The following CTNND2 variants were observed in gnomAD, a reference collection of about 807,000 sequenced individuals.
The protein encoded by CTNND2 is catenin delta-2.
CTNND2 carries 22 observed loss-of-function variants against 144.4 expected under a neutral mutation model. The ratio of observed to expected loss-of-function variants is 0.15; its 90% CI spans 0.11 to 0.22. The LOEUF (loss-of-function observed/expected upper bound fraction) is 0.22. Among genes scored for constraint, CTNND2 ranks in the 10% least tolerant of loss-of-function variants. The pLI is 1.00. For missense variants in CTNND2, 1,353 were observed against 1,618.8 expected (o/e 0.84, Z 2.82); for synonymous variants, 751 against 695.6 (o/e 1.08, Z -1.25).
At chr5:11,177,749 T>C (rs1445313922) in intron 11 of CTNND2, among the ~76,000 whole-genome samples, 1 of 152,156 alleles carries the variant, frequency 6.6e-6, no homozygotes, top group African/African-American at 2.4e-5. Context: ...AATAATATAT[T>C]GCAAAAACAA....
At chr5:11,537,070 C>G (rs1774275824) in intron 3 of CTNND2, among the ~76,000 whole-genome samples, 1 of 151,702 alleles carries the variant, frequency 6.6e-6, no homozygotes, top group African/African-American at 2.4e-5. Flanking sequence ...AAGGAGGCAG[C>G]AATTAGTCTC....
In CTNND2 at chr5:11,249,314, C is replaced by T. The variant is rs440524; in HGVS notation, c.1629-12491G>A. Among the ~76,000 whole-genome samples, 14 of 152,202 alleles carry T rather than the reference C, an allele frequency of 9.2e-5. No individual in the cohort carries two copies. The South Asian group carries it at 1.9e-3, about 20-fold the overall frequency. On this transcript the variant is annotated intron_variant, in intron 9 of 21. Transcript: ENST00000304623. ...TTTGAACCAAGTTGGGCTTATTGCT[C>T]GTAATAAGAAAGGACTCACACCATG...
intron 1 of CTNND2, among the ~76,000 whole-genome samples, chr5:11,802,143 A>C (rs1171434704): frequency 6.6e-6 from 1 of 152,056 alleles, no homozygotes; most frequent in Non-Finnish European, 1.5e-5. Flanking sequence ...TGTGGTGGCC[A>C]TGCCTGTAAT....
intron 3 of CTNND2, among the ~76,000 whole-genome samples, chr5:11,462,657 T>C (rs1006636064): frequency 6.6e-6 from 1 of 151,750 alleles, no homozygotes; most frequent in Non-Finnish European, 1.5e-5. Context: ...AAAGTAAATT[T>C]AAAAATATAA....
rs540243364 is a variant in CTNND2 at position 11,396,903 on chromosome 5, C to T, written c.612+128G>A. The T allele has an allele frequency of 2.6e-5, 21 of 808,646 alleles. No homozygotes were observed. The Admixed American group carries it at 4.2e-4, about 16-fold the overall frequency. The allele number at this position is 808,646 out of a possible 1,614,324, so 50.1% of individuals were successfully genotyped here. A position where few individuals can be genotyped will look rare whatever the true frequency, so the allele number is the denominator to read the frequency against. The stretch of plus-strand genomic sequence containing the variant: ...CATTCACAGCACCAAAGGGCATTTT[C>T]CCTCAAGTTGAGGGACACACCTACA... On this transcript the variant is annotated intron_variant, in intron 6 of 21. Coordinates refer to ENST00000304623, the MANE Select transcript of CTNND2 (RefSeq NM_001332.4).
At chr5:11,695,591 G>C (rs1162146951) in intron 2 of CTNND2, among the ~76,000 whole-genome samples, 1 of 152,116 alleles carries the variant, frequency 6.6e-6, no homozygotes, top group East Asian at 1.9e-4. Context: ...AGAAAAAATG[G>C]AATATTTTTA....
At chr5:11,222,575 G>C (rs1486631270) in intron 10 of CTNND2, among the ~76,000 whole-genome samples, 2 of 152,200 alleles carry the variant, frequency 1.3e-5, no homozygotes, top group Non-Finnish European at 2.9e-5. Flanking sequence ...GGAGGCAAAG[G>C]CTGGAGGATC....
chr5:11,466,190 C>T (rs1256316455), intron 3 of CTNND2, among the ~76,000 whole-genome samples: 1 of 152,052 alleles, frequency 6.6e-6, no homozygotes, highest in African/African-American at 2.4e-5. Flanking sequence ...TTTGTAGAGA[C>T]GGGGGCTTGC....
intron 2 of CTNND2, among the ~76,000 whole-genome samples, chr5:11,594,483 A>G (rs561677127): frequency 1.3e-4 from 20 of 152,358 alleles, no homozygotes; most frequent in African/African-American, 4.1e-4. Flanking sequence ...CTTGATTTTA[A>G]AAAATCAATT....
chr5:11,521,727 A>C (rs748460328), intron 3 of CTNND2, among the ~76,000 whole-genome samples: 2 of 152,220 alleles, frequency 1.3e-5, no homozygotes, highest in African/African-American at 2.4e-5. Flanking sequence ...GGCAAAGACC[A>C]TGTTGCATCC....
At chr5:11,359,211 GC>G (rs1208619046) in intron 8 of CTNND2, among the ~76,000 whole-genome samples, 1 of 152,154 alleles carries the variant, frequency 6.6e-6, no homozygotes, top group Non-Finnish European at 1.5e-5. Flanking sequence ...GTTTTGACAA[GC>G]CTCATCTCAC....
At chr5:11,084,942 T>C (rs1416669111) in intron 15 of CTNND2, among the ~76,000 whole-genome samples, 1 of 152,156 alleles carries the variant, frequency 6.6e-6, no homozygotes, top group East Asian at 1.9e-4. Flanking sequence ...CCCTCTCCTT[T>C]AATCCTCCAT....
At chr5:11,318,127 A>C (rs1300993428) in intron 9 of CTNND2, among the ~76,000 whole-genome samples, 1 of 152,118 alleles carries the variant, frequency 6.6e-6, no homozygotes, top group African/African-American at 2.4e-5. Flanking sequence ...AGACTCAAGG[A>C]ATCTGAATTC....
At chr5:11,199,234 G>A (rs756864019) in intron 11 of CTNND2, among the ~76,000 whole-genome samples, 14 of 152,140 alleles carry the variant, frequency 9.2e-5, no homozygotes, top group Admixed American at 3.3e-4. Flanking sequence ...GAATTTTAGT[G>A]AGGATTACAT....
chr5:11,238,098 T>C (rs1741834436), intron 9 of CTNND2, among the ~76,000 whole-genome samples: 1 of 152,230 alleles, frequency 6.6e-6, no homozygotes, highest in African/African-American at 2.4e-5. Flanking sequence ...TAAAACATTA[T>C]CTTGATTGTA....
chr5:11,109,853 CAT>C, intron 14 of CTNND2, among the ~76,000 whole-genome samples: 1 of 152,298 alleles, frequency 6.6e-6, no homozygotes, highest in Admixed American at 6.5e-5. Context: ...TCAAGAAACA[CAT>C]ATATTTTGTA....
At chr5:10,982,061 G>A (rs559180150) in intron 20 of CTNND2, among the ~76,000 whole-genome samples, 6 of 152,132 alleles carry the variant, frequency 3.9e-5, no homozygotes, top group South Asian at 2.1e-4. Context: ...CATGTCAGCC[G>A]CTTGCAATAA....
At chr5:11,534,528 C>G (rs986388834) in intron 3 of CTNND2, among the ~76,000 whole-genome samples, 7 of 151,852 alleles carry the variant, frequency 4.6e-5, no homozygotes, top group Non-Finnish European at 8.8e-5. Context: ...TCGCTTGAAC[C>G]CGGGAGGTGG....
At chr5:11,138,046 G>A (rs1479476206) in intron 12 of CTNND2, among the ~76,000 whole-genome samples, 1 of 152,180 alleles carries the variant, frequency 6.6e-6, no homozygotes, top group African/African-American at 2.4e-5. Flanking sequence ...TGCTTATTCA[G>A]CTTACTTGCA....
Sources: gnomAD v4.1 joint callset for allele counts (sites outside exome capture counted in the v4.1 genomes callset) on GRCh38, gnomAD v4.1.1 for gene constraint, MANE v1.5 for transcripts, NCBI Gene and HGNC (gene_info 2026-07-23, HGNC 2026-07-21) for gene names.